Variants in TFDP1 observed in about 807,000 individuals in gnomAD.
The protein encoded by TFDP1 is DRTF1-polypeptide 1.
TFDP1 carries 6 observed loss-of-function variants against 48.0 expected under a neutral mutation model. The ratio of observed to expected loss-of-function variants is 0.13; its 90% confidence interval spans 0.07 to 0.25. The LOEUF (loss-of-function observed/expected upper bound fraction) is 0.25, where lower values mean the gene tolerates loss of function less well. Ranked by LOEUF, TFDP1 falls within the 10% of genes least tolerant of loss-of-function variation. The pLI is 1.00. For missense variants in TFDP1, 335 were observed against 543.0 expected (o/e 0.62, Z 3.81); for synonymous variants, 201 against 211.6 (o/e 0.95, Z 0.44).
At chr13:113,603,507 C>G (rs2048491811) in intron 2 of TFDP1, among the ~76,000 whole-genome samples, 1 of 152,252 alleles carries the variant, frequency 6.6e-6, no homozygotes, top group South Asian at 2.1e-4. Context: ...TTCGTAGACC[C>G]TGTCACAGAG....
chr13:113,586,682 G>A (rs1221110965), intron 2 of TFDP1, among the ~76,000 whole-genome samples: 2 of 152,330 alleles, frequency 1.3e-5, no homozygotes. Context: ...CGTCCAGAGT[G>A]TGGAGCCCTC....
chr13:113,630,973 A>G (rs1441600791), intron 4 of TFDP1, among the ~76,000 whole-genome samples: 1 of 152,142 alleles, frequency 6.6e-6, no homozygotes, highest in Non-Finnish European at 1.5e-5. Flanking sequence ...TTCCGCCCCC[A>G]GTGCTGGTGG....
intron 2 of TFDP1, among the ~76,000 whole-genome samples, chr13:113,587,668 G>T (rs1037209037): frequency 6.6e-6 from 1 of 151,856 alleles, no homozygotes; most frequent in African/African-American, 2.4e-5. Context: ...TGTATTTTTA[G>T]TAGAGATGGG....
chr13:113,591,454 A>G (rs532918513), intron 2 of TFDP1, among the ~76,000 whole-genome samples: 7 of 152,302 alleles, frequency 4.6e-5, no homozygotes, highest in South Asian at 2.1e-4. Context: ...TTTTTCTTAC[A>G]TAATCAGCTC....
At chr13:113,587,733 G>A (rs1033532572) in intron 2 of TFDP1, among the ~76,000 whole-genome samples, 2 of 151,956 alleles carry the variant, frequency 1.3e-5, no homozygotes, top group African/African-American at 4.8e-5. Context: ...CAATCCACCC[G>A]CCTTACAGGC....
intron 2 of TFDP1, among the ~76,000 whole-genome samples, chr13:113,604,210 C>T (rs1209925480): frequency 6.7e-6 from 1 of 150,182 alleles, no homozygotes; most frequent in East Asian, 2.0e-4. Context: ...TTTGGTGGTG[C>T]TTGTTACTGA....
chr13:113,613,466 TTC>T (rs1183726767), intron 3 of TFDP1, among the ~76,000 whole-genome samples: 2 of 152,244 alleles, frequency 1.3e-5, no homozygotes, highest in South Asian at 4.1e-4. Context: ...TTCCAGAGAA[TTC>T]TGTTTAACAA....
intron 2 of TFDP1, among the ~76,000 whole-genome samples, chr13:113,603,960 C>T (rs930516119): frequency 7.2e-5 from 11 of 151,938 alleles, no homozygotes; most frequent in African/African-American, 2.2e-4. Context: ...CCCAGGAGTT[C>T]GAGACCAGCC....
chr13:113,627,361 G>A lies in TFDP1; in HGVS notation c.186+4075G>A, dbSNP rs1418874048. Among the ~76,000 whole-genome samples the A allele has an allele frequency of 6.6e-6, 1 of 152,222 alleles. No individual in the cohort carries two copies. The highest frequency in any genetic ancestry group is 1.5e-5 in the Non-Finnish European group (1 of 68,034). On this transcript the variant is annotated intron_variant, in intron 4 of 11. Transcript: ENST00000375370. The surrounding 1 kb of genome is among the most constrained non-coding windows in gnomAD (Gnocchi z 4.1). ...CATATGTGCTCAGCCGGCAGGAGCA[G>A]CGGCCTGTGTGAGCCCCTGGGGAGA... is the stretch of plus-strand genomic sequence containing the variant.
intron 5 of TFDP1, among the ~76,000 whole-genome samples, chr13:113,632,740 C>T (rs1277989000): frequency 2.6e-5 from 4 of 152,156 alleles, no homozygotes; most frequent in African/African-American, 7.2e-5. Flanking sequence ...ATGGCGCCAC[C>T]GCACTCCAGC....
In TFDP1 at chr13:113,603,081, T is replaced by C. The variant is rs77363204; in HGVS notation, c.13-7915T>C. ...CAGGTCGGATAAGCCTGGTTTATAC[T>C]CTAGTGGGGAGCTGTTAGCAATGGA... On this transcript the variant is annotated intron_variant, in intron 2 of 11. Coordinates refer to ENST00000375370, the MANE Select transcript of TFDP1 (RefSeq NM_007111.5). Among the ~76,000 whole-genome samples, 41 of 152,098 alleles carry C rather than the reference T, an allele frequency of 2.7e-4. No homozygotes were observed. The East Asian group carries it at 7.7e-3, about 29-fold the overall frequency.
intron 2 of TFDP1, among the ~76,000 whole-genome samples, chr13:113,595,971 A>G (rs1814368579): frequency 1.3e-5 from 2 of 152,182 alleles, no homozygotes; most frequent in African/African-American, 4.8e-5. Flanking sequence ...AGTCCCAGCT[A>G]CTTGGGAGGC....
In TFDP1 at chr13:113,625,783, CCTCAGGCGTCTCTCACGT is replaced by C. The variant is rs1219136079; in HGVS notation, c.186+2498_186+2515del. Reference sequence around the variant, plus strand: ...GTGTCCTCAGGCGTCTCTCACGTGTCCTCAGGCGTCTCTCACGTGTCCTCAGGTGTCTCACGCGTCCTC... The same window carrying C: ...GTGTCCTCAGGCGTCTCTCACGTGTCGTCCTCAGGTGTCTCACGCGTCCTC... On this transcript the variant is annotated intron_variant, in intron 4 of 11. Coordinates refer to ENST00000375370, the MANE Select transcript of TFDP1 (RefSeq NM_007111.5). Among the ~76,000 whole-genome samples, 89 of 124,316 alleles carry C rather than the reference CCTCAGGCGTCTCTCACGT, an allele frequency of 7.2e-4. 2 individuals carry two copies. Among genetic ancestry groups the C allele is most frequent in the South Asian group, 1.2e-3 (4 of 3,398 alleles). The allele number at this position is 124,316 out of a possible 152,430, so 81.6% of individuals were successfully genotyped here.
chr13:113,633,985 G>A lies in TFDP1; in HGVS notation c.570G>A (p.Lys190=), dbSNP rs2049405796. 6.2e-7 allele frequency: 1 copy of A among 1,614,234 alleles called. No individual in the cohort carries two copies. Among genetic ancestry groups the A allele is most frequent in the Non-Finnish European group, 8.5e-7 (1 of 1,180,042 alleles). ...NIISKEKKEI[K]WIGLPTNSAQ... ...TCTCCAAGGAGAAGAAGGAGATCAA[G>A]TGGATTGGTCTGCCCACCAACTCGG... Residue 190 remains lysine, a synonymous_variant, in exon 7 of 12, where the codon AAG becomes AAA. Transcript: ENST00000375370. The surrounding 1 kb of genome is among the most constrained non-coding windows in gnomAD (Gnocchi z 4.5).
chr13:113,636,152 TC>T, intron 9 of TFDP1, 24 bp downstream of exon 9: 1 of 1,612,256 alleles, frequency 6.2e-7, no homozygotes, highest in Middle Eastern at 1.7e-4. Context: ...GGGGAGCTGT[TC>T]CCTGGTCACC....
intron 10 of TFDP1, 194 bp from the exon 11 acceptor site, chr13:113,637,624 G>T (rs1218350306): frequency 1.3e-6 from 2 of 1,534,208 alleles, no homozygotes; most frequent in Non-Finnish European, 8.7e-7. Flanking sequence ...TTTTAGAGAA[G>T]ACAGGCTTAT....
intron 2 of TFDP1, among the ~76,000 whole-genome samples, chr13:113,593,571 C>G (rs2048204511): frequency 7.0e-6 from 1 of 142,818 alleles, no homozygotes; most frequent in African/African-American, 2.7e-5. Context: ...TCAGCCGTGC[C>G]CAGGTGACAG....
At chr13:113,635,908 G>T in intron 8 of TFDP1, 69 bp from the exon 9 acceptor site, 1 of 1,533,286 alleles carries the variant, frequency 6.5e-7, no homozygotes, top group South Asian at 1.2e-5. Flanking sequence ...GGGCTGTGAG[G>T]ACCCCTCGAG....
chr13:113,589,412 G>A (rs1015026290), intron 2 of TFDP1, among the ~76,000 whole-genome samples: 10 of 152,138 alleles, frequency 6.6e-5, no homozygotes, highest in Admixed American at 5.2e-4. Flanking sequence ...TGGCAATATG[G>A]GGAGGATTTC....
Sources: gnomAD v4.1 joint callset for allele counts (sites outside exome capture counted in the v4.1 genomes callset) on GRCh38, gnomAD v4.1.1 for gene constraint, Gnocchi (gnomAD v3.1) non-coding constraint, MANE v1.5 for transcripts, NCBI Gene and HGNC (gene_info 2026-07-23, HGNC 2026-07-21) for gene names.